The following MYL1 variants were observed in gnomAD, a reference collection of about 807,000 sequenced individuals.
The protein encoded by MYL1 is myosin light chain 1/3, skeletal muscle isoform.
A neutral mutation model predicts 21.8 loss-of-function variants in MYL1; 16 were observed. That is an observed-to-expected ratio of 0.74 (90% CI 0.50 to 1.12). The LOEUF (loss-of-function observed/expected upper bound fraction) is 1.12, where lower values mean the gene tolerates loss of function less well. Ranked by LOEUF, MYL1 falls within the 50% of genes most tolerant of loss-of-function variation. The probability of loss-of-function intolerance (pLI) is 0.00; values close to 1 mark genes in which losing one functional copy is unlikely to be tolerated. For missense variants in MYL1, 246 were observed against 241.0 expected (o/e 1.02, Z -0.14); for synonymous variants, 99 against 85.2 (o/e 1.16, Z -0.89).
chr2:210,312,634 T>C (rs1421572659), intron 1 of MYL1, among the ~76,000 whole-genome samples: 1 of 151,968 alleles, frequency 6.6e-6, no homozygotes, highest in African/African-American at 2.4e-5. Flanking sequence ...GCATTGAAGA[T>C]ATTTACATTT....
intron 1 of MYL1, 155 bp from the exon 2 acceptor site, chr2:210,302,670 G>A: frequency 2.7e-6 from 4 of 1,502,384 alleles, no homozygotes; most frequent in African/African-American, 1.4e-5. Context: ...ACACTAACAG[G>A]TTAAGCCATA....
chr2:210,311,968 C>A (rs1027267437), intron 1 of MYL1, among the ~76,000 whole-genome samples: 2 of 151,944 alleles, frequency 1.3e-5, no homozygotes, highest in Non-Finnish European at 2.9e-5. Context: ...CAGAGAGTAT[C>A]ATAAAATTTG....
chr2:210,294,181 T>G, intron 4 of MYL1, 64 bp downstream of exon 4: 1 of 1,405,918 alleles, frequency 7.1e-7, no homozygotes, highest in East Asian at 2.5e-5. Flanking sequence ...GTGACATGAT[T>G]CTCCTGTCAT....
chr2:210,306,059 AC>A (rs1215045545), intron 1 of MYL1, among the ~76,000 whole-genome samples: 1 of 127,784 alleles, frequency 7.8e-6, no homozygotes, highest in Non-Finnish European at 1.6e-5. Flanking sequence ...AAACTCCCTC[AC>A]AAAAAAAAAA....
chr2:210,300,179 GCTCA>G (rs1690242842), intron 2 of MYL1, among the ~76,000 whole-genome samples: 1 of 152,068 alleles, frequency 6.6e-6, no homozygotes. Flanking sequence ...TGCTCAGCAG[GCTCA>G]CTATTACCCT....
chr2:210,295,777 A>G (rs1690163931), intron 3 of MYL1, among the ~76,000 whole-genome samples: 1 of 151,192 alleles, frequency 6.6e-6, no homozygotes, highest in South Asian at 2.1e-4. Context: ...GTGGGCTATG[A>G]TCATGCCACT....
intron 3 of MYL1, among the ~76,000 whole-genome samples, chr2:210,295,943 A>C (rs1351637731): frequency 6.6e-6 from 1 of 152,170 alleles, no homozygotes; most frequent in Admixed American, 6.5e-5. Flanking sequence ...ATTTCCTTCC[A>C]AAGAAAATGA....
chr2:210,304,424 C>T (rs1295975051), intron 1 of MYL1, among the ~76,000 whole-genome samples: 2 of 152,118 alleles, frequency 1.3e-5, no homozygotes, highest in East Asian at 3.9e-4. Flanking sequence ...TAAGTTCTTA[C>T]TAGATCATGC....
intron 1 of MYL1, among the ~76,000 whole-genome samples, chr2:210,303,364 C>G (rs1690292727): frequency 6.6e-6 from 1 of 152,118 alleles, no homozygotes; most frequent in Non-Finnish European, 1.5e-5. Flanking sequence ...ATAAACAGCT[C>G]TAATTATTTT....
intron 5 of MYL1, among the ~76,000 whole-genome samples, chr2:210,292,129 C>A (rs543144615): frequency 6.6e-6 from 1 of 152,116 alleles, no homozygotes; most frequent in Non-Finnish European, 1.5e-5. Flanking sequence ...AGTGCAGTAA[C>A]GCGATCTTCA....
intron 5 of MYL1, among the ~76,000 whole-genome samples, chr2:210,291,719 A>G (rs1185283532): frequency 1.3e-5 from 2 of 152,190 alleles, no homozygotes; most frequent in East Asian, 3.8e-4. Context: ...ACATTGATAC[A>G]TTGATAGACA....
In MYL1 at chr2:210,293,787, T is replaced by C; in HGVS notation, c.492A>G (p.Lys164=). ...HVLATLGEKM[K]EEEVEALMAG... is the part of the protein sequence containing the mutation. Reference sequence around the variant, plus strand: ...CCATCAGGGCTTCCACTTCTTCCTCTTTCATCTTTTCACCTGATGAAACAA... The same window carrying C: ...CCATCAGGGCTTCCACTTCTTCCTCCTTCATCTTTTCACCTGATGAAACAA... The change falls in exon 5 of 7, where the codon AAA becomes AAG. Residue 164 remains lysine (K), a synonymous_variant. Coordinates refer to ENST00000352451, the MANE Select transcript of MYL1 (RefSeq NM_079420.3). The C allele has an allele frequency of 1.9e-6, 3 of 1,614,038 alleles. No homozygotes were observed. Among genetic ancestry groups the C allele is most frequent in the Non-Finnish European group, 2.5e-6 (3 of 1,179,920 alleles).
rs972950435 is a variant in MYL1, at chr2:210,295,039, T to C, written c.305-621A>G. Among the ~76,000 whole-genome samples, 7 of 152,158 alleles carry C rather than the reference T, an allele frequency of 4.6e-5. No individual in the cohort carries two copies. In the East Asian group the frequency reaches 1.3e-3, roughly 29 times the overall value. On this transcript the variant is annotated intron_variant, in intron 3 of 6. Coordinates refer to ENST00000352451, the MANE Select transcript of MYL1 (RefSeq NM_079420.3). ...ATATTTTGTGATCTTCTGACTTCTTTGTACCTTAGAGGCCAGGAGATGATA... is the reference window on the plus strand; with the variant it reads ...ATATTTTGTGATCTTCTGACTTCTTCGTACCTTAGAGGCCAGGAGATGATA...
chr2:210,291,959 G>A lies in MYL1; in HGVS notation c.557-885C>T, dbSNP rs191965380. Reference sequence around the variant, plus strand: ...GTTTTAACAACATGCATTCCCATCAGTGATACATGAAATTGCCTGTTTCCA... The same window carrying A: ...GTTTTAACAACATGCATTCCCATCAATGATACATGAAATTGCCTGTTTCCA... On this transcript the variant is annotated intron_variant, in intron 5 of 6. Coordinates refer to ENST00000352451, the MANE Select transcript of MYL1 (RefSeq NM_079420.3). 4.6e-5 allele frequency among the ~76,000 whole-genome samples: 7 copies of A among 152,262 alleles called. No homozygotes were observed. In the East Asian group the frequency reaches 1.4e-3, roughly 29 times the overall value.
intron 1 of MYL1, among the ~76,000 whole-genome samples, chr2:210,308,178 G>A (rs1690366142): frequency 6.6e-6 from 1 of 151,678 alleles, no homozygotes. Context: ...TGTGCTCTCT[G>A]ATTTAACGCC....
intron 1 of MYL1, among the ~76,000 whole-genome samples, chr2:210,305,714 A>T (rs768757851): frequency 6.6e-6 from 1 of 152,182 alleles, no homozygotes. Context: ...CTAGATATAA[A>T]ATATGGTTAA....
chr2:210,310,426 C>T (rs1317546108), intron 1 of MYL1, among the ~76,000 whole-genome samples: 4 of 151,980 alleles, frequency 2.6e-5, no homozygotes, highest in Non-Finnish European at 5.9e-5. Flanking sequence ...ATAGAGATCT[C>T]ATACCCTCCT....
At position 210,298,573 on chromosome 2, in the gene MYL1, G is replaced by A. The variant is rs1300362352; in HGVS notation, c.161-10C>T. 6.2e-7 allele frequency: 1 copy of A among 1,613,734 alleles called. No individual in the cohort carries two copies. Among genetic ancestry groups the A allele is most frequent in the Middle Eastern group, 1.7e-4 (1 of 6,056 alleles). ...AATGCCTCCTTGAATTCTGCAAAAA[G>A]CAAGAAGCATTAGAGTGCTCTTTTC... On this transcript the variant is annotated splice_polypyrimidine_tract_variant and intron_variant, in intron 2 of 6. Coordinates refer to ENST00000352451, the MANE Select transcript of MYL1 (RefSeq NM_079420.3).
chr2:210,293,114 T>G (rs1690106114), intron 5 of MYL1, among the ~76,000 whole-genome samples: 1 of 152,184 alleles, frequency 6.6e-6, no homozygotes, highest in African/African-American at 2.4e-5. Flanking sequence ...ATTTTTAAAT[T>G]TTCTTACAAA....
Sources: allele counts gnomAD v4.1 joint callset (sites outside exome capture counted in the v4.1 genomes callset), GRCh38; gene constraint gnomAD v4.1.1; transcripts MANE v1.5; gene names NCBI Gene and HGNC (gene_info 2026-07-23, HGNC 2026-07-21).